The following MYO3B variants were observed in gnomAD, a reference collection of about 807,000 sequenced individuals.
MYO3B encodes the protein myosin IIIB.
Under a neutral mutation model 174.6 loss-of-function variants are expected in MYO3B, and 156 were observed. That is an observed-to-expected ratio of 0.89 (90% CI 0.78 to 1.02). The LOEUF is 1.02. Ranked by LOEUF, MYO3B falls within the 50% of genes least tolerant of loss-of-function variation. The probability of loss-of-function intolerance (pLI) is 0.00; values close to 1 mark genes in which losing one functional copy is unlikely to be tolerated. For missense variants in MYO3B, 1,632 were observed against 1,639.4 expected, an observed-to-expected ratio of 1.00 and a Z score of 0.08; for synonymous variants, 563 against 569.1, an observed-to-expected ratio of 0.99 and a Z score of 0.15.
chr2:170,249,960 T>C (rs2093233282), intron 7 of MYO3B, among the ~76,000 whole-genome samples: 1 of 152,226 alleles, frequency 6.6e-6, no homozygotes, highest in African/African-American at 2.4e-5. Context: ...ATGCTGGCAC[T>C]TCTCCTCCTA....
At chr2:170,373,881 C>T (rs975162425) in intron 9 of MYO3B, among the ~76,000 whole-genome samples, 1 of 150,282 alleles carries the variant, frequency 6.7e-6, no homozygotes, top group Non-Finnish European at 1.5e-5. Context: ...GGATTGTGGA[C>T]TCCAGGGAAT....
At chr2:170,515,243 CCT>C (rs1218047498) in intron 29 of MYO3B, among the ~76,000 whole-genome samples, 1 of 152,222 alleles carries the variant, frequency 6.6e-6, no homozygotes, top group Non-Finnish European at 1.5e-5. Context: ...AAGCTCCGTT[CCT>C]CACAGTTGCC....
intron 32 of MYO3B, among the ~76,000 whole-genome samples, chr2:170,648,380 A>C (rs1234760795): frequency 3.3e-5 from 5 of 152,070 alleles, no homozygotes; most frequent in Non-Finnish European, 5.9e-5. Flanking sequence ...CTGTAATCTC[A>C]GCACTTTGGG....
chr2:170,422,009 A>G (rs1417607911), intron 22 of MYO3B, among the ~76,000 whole-genome samples: 2 of 152,210 alleles, frequency 1.3e-5, no homozygotes, highest in East Asian at 1.9e-4. Context: ...AAGTCAGGAG[A>G]TAAGCTAAGA....
intron 32 of MYO3B, among the ~76,000 whole-genome samples, chr2:170,648,239 T>C (rs1344632706): frequency 3.3e-5 from 5 of 152,218 alleles, no homozygotes; most frequent in Non-Finnish European, 7.3e-5. Context: ...GCTAGATTCC[T>C]GTGCTCTGCA....
intron 7 of MYO3B, among the ~76,000 whole-genome samples, chr2:170,239,077 C>G (rs1294992690): frequency 6.6e-6 from 1 of 152,194 alleles, no homozygotes; most frequent in Non-Finnish European, 1.5e-5. Context: ...AAAGTCACCC[C>G]TCTCTGACTG....
chr2:170,351,865 G>A lies in MYO3B; in HGVS notation c.815+16415G>A, dbSNP rs371062004. On this transcript the variant is annotated intron_variant, in intron 8 of 34. Coordinates refer to ENST00000408978, the MANE Select transcript of MYO3B (RefSeq NM_138995.5). ...AGGAAAACAATTTGGGATAAAATAC[G>A]TAAAAACTAACTCTAATCATACAGT... is the stretch of plus-strand genomic sequence containing the variant. Among the ~76,000 whole-genome samples, 149 of 152,290 alleles carry A rather than the reference G, an allele frequency of 9.8e-4. 1 individual carries two copies. The South Asian group carries it at 0.013, about 14-fold the overall frequency.
At chr2:170,644,291 T>C (rs537668370) in intron 32 of MYO3B, among the ~76,000 whole-genome samples, 2 of 152,244 alleles carry the variant, frequency 1.3e-5, no homozygotes, top group East Asian at 1.9e-4. Context: ...TGTCTTTTTT[T>C]TTTTTCTTTT....
At chr2:170,405,522 C>G in intron 20 of MYO3B, 23 bp from the exon 21 acceptor site, 1 of 1,610,178 alleles carries the variant, frequency 6.2e-7, no homozygotes, top group Non-Finnish European at 8.5e-7. Flanking sequence ...CATTGTAACT[C>G]TCCAACATAA....
At chr2:170,239,447 C>G (rs1423728046) in intron 7 of MYO3B, among the ~76,000 whole-genome samples, 36 of 152,232 alleles carry the variant, frequency 2.4e-4, no homozygotes, top group Admixed American at 2.4e-3. Context: ...GGTGGGTTCA[C>G]TGGTCAGTCA....
intron 22 of MYO3B, among the ~76,000 whole-genome samples, chr2:170,431,747 TAC>T (rs2094710806): frequency 6.6e-6 from 1 of 152,230 alleles, no homozygotes; most frequent in Non-Finnish European, 1.5e-5. Flanking sequence ...TATCTGTGCA[TAC>T]CTTTCTTCAA....
chr2:170,279,578 T>C (rs2093490797), intron 7 of MYO3B, among the ~76,000 whole-genome samples: 4 of 152,172 alleles, frequency 2.6e-5, no homozygotes, highest in Non-Finnish European at 5.9e-5. Flanking sequence ...TTAAGCCCAG[T>C]ACCCAATAGT....
At chr2:170,564,146 C>A (rs1450297945) in intron 32 of MYO3B, among the ~76,000 whole-genome samples, 1 of 152,118 alleles carries the variant, frequency 6.6e-6, no homozygotes, top group Non-Finnish European at 1.5e-5. Context: ...GACCTGCAGG[C>A]AAGAGAAGGA....
intron 32 of MYO3B, among the ~76,000 whole-genome samples, chr2:170,601,160 T>TA (rs57574728): frequency 0.26 from 39,707 of 152,074 alleles, 8,555 homozygotes; most frequent in African/African-American, 0.6. Context: ...ACAATACTAA[T>TA]AAAAAAATTG....
chr2:170,379,534 A>T (rs1236524711), intron 9 of MYO3B, among the ~76,000 whole-genome samples: 2 of 152,082 alleles, frequency 1.3e-5, no homozygotes, highest in African/African-American at 2.4e-5. Flanking sequence ...AATTATTCTT[A>T]GGTTTTATGT....
At chr2:170,194,895 T>C (rs1369784439) in intron 1 of MYO3B, among the ~76,000 whole-genome samples, 1 of 151,840 alleles carries the variant, frequency 6.6e-6, no homozygotes, top group Non-Finnish European at 1.5e-5. Flanking sequence ...AGTCCAAGAG[T>C]CCAAAAGCTG....
Position 170,639,903 on chromosome 2 carries a change from T to C in MYO3B, c.3734-11725T>C, listed in dbSNP as rs146718542. ...CAGTGTCCAGGGAAATAAGGAGCCCTTATGTCTACTTTGGGCTCAAGCCAT... is the reference window on the plus strand; with the variant it reads ...CAGTGTCCAGGGAAATAAGGAGCCCCTATGTCTACTTTGGGCTCAAGCCAT... On this transcript the variant is annotated intron_variant, in intron 32 of 34. Coordinates refer to ENST00000408978, the MANE Select transcript of MYO3B (RefSeq NM_138995.5). Among the ~76,000 whole-genome samples the C allele has an allele frequency of 1.6e-3, 247 of 152,290 alleles. 3 individuals carry two copies. Among genetic ancestry groups the C allele is most frequent in the African/African-American group, 5.7e-3 (236 of 41,564 alleles).
At chr2:170,356,797 A>G (rs2094124990) in intron 8 of MYO3B, among the ~76,000 whole-genome samples, 1 of 151,876 alleles carries the variant, frequency 6.6e-6, no homozygotes, top group South Asian at 2.2e-4. Context: ...AAATGTTTTA[A>G]GACAAGGTCT....
At chr2:170,546,633 A>C (rs1345865503) in intron 32 of MYO3B, among the ~76,000 whole-genome samples, 1 of 152,248 alleles carries the variant, frequency 6.6e-6, no homozygotes, top group Non-Finnish European at 1.5e-5. Context: ...ATCTTAGAAA[A>C]CGACAAAGAT....
Sources: allele counts gnomAD v4.1 joint callset (sites outside exome capture counted in the v4.1 genomes callset), GRCh38; gene constraint gnomAD v4.1.1; transcripts MANE v1.5; gene names NCBI Gene and HGNC (gene_info 2026-07-23, HGNC 2026-07-21).